The following CRTAC1 variants were observed in gnomAD, a reference collection of about 807,000 sequenced individuals.
CRTAC1 encodes the protein cartilage acidic protein 1.
Under a neutral mutation model 67.8 loss-of-function variants are expected in CRTAC1, and 37 were observed. The observed-to-expected ratio is 0.55, with a 90% CI of 0.42 to 0.72. The LOEUF is 0.72. CRTAC1 is among the 30% of genes least tolerant of loss of function. The probability of loss-of-function intolerance (pLI) is 0.00; values close to 1 mark genes in which losing one functional copy is unlikely to be tolerated. For missense variants in CRTAC1, 780 were observed against 931.6 expected, an observed-to-expected ratio of 0.84 and a Z score of 2.12; for synonymous variants, 348 against 371.0, an observed-to-expected ratio of 0.94 and a Z score of 0.71.
chr10:97,934,021 G>A (rs1397875344), intron 3 of CRTAC1, among the ~76,000 whole-genome samples: 1 of 152,196 alleles, frequency 6.6e-6, no homozygotes, highest in East Asian at 1.9e-4. Flanking sequence ...GAGCGTGGGA[G>A]GGGCTGCTGC....
chr10:97,910,788 T>G (rs1308678056), intron 5 of CRTAC1, among the ~76,000 whole-genome samples: 1 of 152,076 alleles, frequency 6.6e-6, no homozygotes. Context: ...GCCAGGGAGA[T>G]GAGGTGGGGC....
chr10:97,884,386 G>T (rs1429086693), intron 11 of CRTAC1, 35 bp from the exon 12 acceptor site: 2 of 1,537,394 alleles, frequency 1.3e-6, no homozygotes, highest in Admixed American at 4.0e-5. Context: ...CAGCAGCAGA[G>T]GAGAGCAGGA....
intron 7 of CRTAC1, among the ~76,000 whole-genome samples, chr10:97,902,468 A>C (rs142105332): frequency 2.0e-5 from 3 of 152,292 alleles, no homozygotes; most frequent in South Asian, 2.1e-4. Context: ...TCCAGGACTA[A>C]TGGGGAGACC....
intron 3 of CRTAC1, among the ~76,000 whole-genome samples, chr10:97,934,454 C>T (rs1467215969): frequency 2.6e-5 from 4 of 152,044 alleles, no homozygotes; most frequent in Non-Finnish European, 5.9e-5. Flanking sequence ...AGGCTGGCTG[C>T]CAGCCAGACA....
intron 2 of CRTAC1, among the ~76,000 whole-genome samples, chr10:97,972,898 AT>A (rs1032142392): frequency 1.5e-4 from 23 of 150,722 alleles, no homozygotes; most frequent in African/African-American, 2.2e-4. Context: ...AATTCCAAGG[AT>A]TTTTTTTTTC....
chr10:97,993,527 G>A (rs991633515), intron 2 of CRTAC1, among the ~76,000 whole-genome samples: 6 of 152,114 alleles, frequency 3.9e-5, no homozygotes, highest in African/African-American at 1.4e-4. Flanking sequence ...TCATATTCTT[G>A]TATCTTCCAA....
chr10:97,966,851 G>A (rs1280199420), intron 2 of CRTAC1, among the ~76,000 whole-genome samples: 1 of 152,104 alleles, frequency 6.6e-6, no homozygotes, highest in Admixed American at 6.5e-5. Flanking sequence ...GTGGGTTTTT[G>A]GGAGGAAGAC....
intron 11 of CRTAC1, 22 bp from the exon 12 acceptor site, chr10:97,884,373 C>G (rs1412734867): frequency 1.3e-6 from 2 of 1,549,356 alleles, no homozygotes; most frequent in East Asian, 4.9e-5. Flanking sequence ...AAGGAGAGAG[C>G]ATCAGCAGCA....
chr10:97,947,752 C>G (rs2051286870), intron 2 of CRTAC1, among the ~76,000 whole-genome samples: 1 of 152,070 alleles, frequency 6.6e-6, no homozygotes, highest in Admixed American at 6.6e-5. Flanking sequence ...TGGCATGAAA[C>G]TAAGGATTTA....
At chr10:97,903,910 C>T (rs1169281690) in intron 7 of CRTAC1, among the ~76,000 whole-genome samples, 1 of 152,090 alleles carries the variant, frequency 6.6e-6, no homozygotes, top group Non-Finnish European at 1.5e-5. Context: ...TCTTTAGGGG[C>T]AGCTGTTGGG....
rs71007371 is a variant in CRTAC1 at position 97,950,246 on chromosome 10, C to CAGAGAGAG, written c.225-13888_225-13881dup. 9.5e-3 allele frequency among the ~76,000 whole-genome samples: 1,076 copies of CAGAGAGAG among 113,378 alleles called. 11 individuals carry two copies. Among genetic ancestry groups the CAGAGAGAG allele is most frequent in the Admixed American group, 0.015 (168 of 11,028 alleles). 74.4% of individuals were successfully genotyped at this position (113,378 alleles called of 152,430 possible). On this transcript the variant is annotated intron_variant, in intron 2 of 14. Coordinates refer to ENST00000370597, the MANE Select transcript of CRTAC1 (RefSeq NM_018058.7). The stretch of plus-strand genomic sequence containing the variant: ...TTGCATGTACGTGCACACACACACA[C>CAGAGAGAG]AGAGAGAGAGAGAGAGAGAGAGAGA...
intron 1 of CRTAC1, among the ~76,000 whole-genome samples, chr10:98,014,697 A>G (rs749396241): frequency 1.3e-5 from 2 of 152,216 alleles, no homozygotes; most frequent in African/African-American, 2.4e-5. Flanking sequence ...CAATAAGTAC[A>G]TGAAACATCA....
At chr10:97,932,896 C>T (rs2136609583) in intron 3 of CRTAC1, among the ~76,000 whole-genome samples, 1 of 152,238 alleles carries the variant, frequency 6.6e-6, no homozygotes, top group South Asian at 2.1e-4. Flanking sequence ...AGGGGCAGAC[C>T]CCAGGTTTGT....
intron 14 of CRTAC1, among the ~76,000 whole-genome samples, chr10:97,875,636 G>T (rs1590172679): frequency 6.6e-6 from 1 of 152,192 alleles, no homozygotes; most frequent in Admixed American, 6.5e-5. Flanking sequence ...GAGGGGCTCG[G>T]TTTGCCTTCT....
intron 14 of CRTAC1, among the ~76,000 whole-genome samples, chr10:97,876,649 G>C (rs988797299): frequency 6.6e-6 from 1 of 152,094 alleles, no homozygotes; most frequent in African/African-American, 2.4e-5. Flanking sequence ...TGTTATTTTT[G>C]TTACAAATTA....
chr10:97,927,586 C>A (rs1384624681), intron 3 of CRTAC1, among the ~76,000 whole-genome samples: 1 of 152,330 alleles, frequency 6.6e-6, no homozygotes, highest in African/African-American at 2.4e-5. Context: ...TGGCCTCTCC[C>A]CCTCTTCAGC....
chr10:97,961,496 A>G (rs895100169), intron 2 of CRTAC1, among the ~76,000 whole-genome samples: 4 of 152,222 alleles, frequency 2.6e-5, no homozygotes, highest in African/African-American at 9.7e-5. Context: ...TATATGAGCT[A>G]TATTAGAAAA....
intron 14 of CRTAC1, chr10:97,869,415 A>T (rs1461998132): frequency 1.3e-5 from 2 of 152,474 alleles, no homozygotes; most frequent in East Asian, 3.9e-4. Flanking sequence ...CCAGCCAGGG[A>T]CAGGCCCCAT....
In CRTAC1 at chr10:98,029,583, C is replaced by T. The variant is rs1843321493; in HGVS notation, c.24+866G>A. ...TGGAGGAAGCCCCCCCAGCTCTCAACCCTAGGAGAATTTCCCCGCCACTCT... is the reference window on the plus strand; with the variant it reads ...TGGAGGAAGCCCCCCCAGCTCTCAATCCTAGGAGAATTTCCCCGCCACTCT... On this transcript the variant is annotated intron_variant, in intron 1 of 14. Coordinates refer to ENST00000370597, the MANE Select transcript of CRTAC1 (RefSeq NM_018058.7). The surrounding 1 kb of genome is among the most constrained non-coding windows in gnomAD (Gnocchi z 4.7). Among the ~76,000 whole-genome samples, 1 of 151,990 alleles carries T rather than the reference C, an allele frequency of 6.6e-6. No individual in the cohort carries two copies. The highest frequency in any genetic ancestry group is 1.5e-5 in the Non-Finnish European group (1 of 67,984).
Sources: allele counts gnomAD v4.1 joint callset (sites outside exome capture counted in the v4.1 genomes callset), GRCh38; gene constraint gnomAD v4.1.1; non-coding constraint Gnocchi (gnomAD v3.1); transcripts MANE v1.5; gene names NCBI Gene and HGNC (gene_info 2026-07-23, HGNC 2026-07-21).